The following NDST4 variants were observed in gnomAD, a reference collection of about 807,000 sequenced individuals.
NDST4 encodes the protein N-heparan sulfate sulfotransferase 4.
In NDST4, 63 loss-of-function variants were observed where a neutral mutation model predicts 100.8. The observed-to-expected ratio is 0.62, with a 90% CI of 0.51 to 0.77. The LOEUF (loss-of-function observed/expected upper bound fraction) is 0.77, where lower values mean the gene tolerates loss of function less well. NDST4 is among the 30% of genes least tolerant of loss of function. The probability of loss-of-function intolerance (pLI) is 0.00; values close to 1 mark genes in which losing one functional copy is unlikely to be tolerated. For missense variants in NDST4, 943 were observed against 1,018.4 expected, an observed-to-expected ratio of 0.93 and a Z score of 1.01; for synonymous variants, 377 against 361.8, an observed-to-expected ratio of 1.04 and a Z score of -0.48.
intron 2 of NDST4, among the ~76,000 whole-genome samples, chr4:115,025,150 C>G (rs977703310): frequency 1.3e-5 from 2 of 152,130 alleles, no homozygotes; most frequent in African/African-American, 4.8e-5. Context: ...AAGACAGACC[C>G]CACAAATCTC....
chr4:115,113,204 T>G (rs1729989405), intron 1 of NDST4, among the ~76,000 whole-genome samples: 1 of 152,006 alleles, frequency 6.6e-6, no homozygotes. Context: ...TGTATCTCTT[T>G]TTTTTTATGT....
At chr4:114,839,275 T>A in intron 11 of NDST4, 103 bp downstream of exon 11, 2 of 1,109,886 alleles carry the variant, frequency 1.8e-6, no homozygotes, top group East Asian at 5.2e-5. Flanking sequence ...TGCAATACAA[T>A]CATGATAAGC....
At chr4:114,875,832 T>A (rs10005762) in intron 6 of NDST4, among the ~76,000 whole-genome samples, 40,643 of 152,028 alleles carry the variant, frequency 0.27, 8,145 homozygotes, top group African/African-American at 0.56. Flanking sequence ...CACTGCCAAG[T>A]CCAGAATAGT....
At chr4:115,022,911 C>T (rs1309280942) in intron 2 of NDST4, among the ~76,000 whole-genome samples, 1 of 152,172 alleles carries the variant, frequency 6.6e-6, no homozygotes, top group Non-Finnish European at 1.5e-5. Flanking sequence ...CCCTCAGCCA[C>T]GTAGAACTGA....
intron 8 of NDST4, among the ~76,000 whole-genome samples, chr4:114,850,979 C>T (rs79832408): frequency 2.0e-5 from 3 of 152,090 alleles, no homozygotes; most frequent in East Asian, 3.9e-4. Context: ...ATTCCCTGAC[C>T]GACTTTCAGC....
intron 2 of NDST4, among the ~76,000 whole-genome samples, chr4:115,004,019 A>G (rs1034655794): frequency 1.3e-5 from 2 of 152,154 alleles, no homozygotes; most frequent in Admixed American, 6.5e-5. Context: ...GCCACTGGAC[A>G]TTCCATTCTA....
intron 2 of NDST4, among the ~76,000 whole-genome samples, chr4:115,007,039 T>C (rs914972339): frequency 8.5e-5 from 13 of 152,330 alleles, no homozygotes; most frequent in African/African-American, 3.1e-4. Context: ...GGTTAAAGCA[T>C]TCAGCCTCAG....
At chr4:114,942,865 T>C (rs2126228630) in intron 4 of NDST4, among the ~76,000 whole-genome samples, 1 of 151,718 alleles carries the variant, frequency 6.6e-6, no homozygotes, top group African/African-American at 2.4e-5. Flanking sequence ...CATAATCTCA[T>C]AAAATACTGA....
At chr4:115,079,860 T>C (rs1366077324) in intron 1 of NDST4, among the ~76,000 whole-genome samples, 1 of 152,178 alleles carries the variant, frequency 6.6e-6, no homozygotes, top group Non-Finnish European at 1.5e-5. Context: ...TTAACCTCAT[T>C]AGTAATTTAA....
chr4:114,901,017 AT>A (rs61431888), intron 6 of NDST4, among the ~76,000 whole-genome samples: 45,550 of 149,076 alleles, frequency 0.31, 8,968 homozygotes, highest in African/African-American at 0.57. Flanking sequence ...ACACTATATG[AT>A]TTTTTTTTTT....
intron 2 of NDST4, among the ~76,000 whole-genome samples, chr4:115,018,183 A>C (rs1727731359): frequency 6.6e-6 from 1 of 151,948 alleles, no homozygotes; most frequent in Non-Finnish European, 1.5e-5. Flanking sequence ...TTTATACTCA[A>C]AAGTACAAAT....
At chr4:114,858,167 A>T (rs1303451384) in intron 7 of NDST4, among the ~76,000 whole-genome samples, 1 of 152,206 alleles carries the variant, frequency 6.6e-6, no homozygotes, top group African/African-American at 2.4e-5. Context: ...GTAACAGCAA[A>T]TACTTTCAAA....
intron 6 of NDST4, among the ~76,000 whole-genome samples, chr4:114,908,355 C>T (rs1724995241): frequency 6.6e-6 from 1 of 151,874 alleles, no homozygotes; most frequent in African/African-American, 2.4e-5. Context: ...TTCACATTGT[C>T]CTCAATAAGC....
At chr4:114,858,164 C>A (rs1375268323) in intron 7 of NDST4, among the ~76,000 whole-genome samples, 1 of 152,154 alleles carries the variant, frequency 6.6e-6, no homozygotes, top group African/African-American at 2.4e-5. Context: ...ACAGTAACAG[C>A]AAATACTTTC....
chr4:115,019,936 A>G (rs192258663), intron 2 of NDST4, among the ~76,000 whole-genome samples: 10 of 152,200 alleles, frequency 6.6e-5, no homozygotes, highest in African/African-American at 2.2e-4. Context: ...TCTGTATATT[A>G]CAAATTAGCC....
chr4:114,873,021 G>A (rs1241325559), intron 6 of NDST4, among the ~76,000 whole-genome samples: 3 of 151,558 alleles, frequency 2.0e-5, no homozygotes, highest in East Asian at 1.9e-4. Context: ...GCAGCTGAAA[G>A]TTTTTATTTT....
At chr4:114,986,005 T>G (rs539344111) in intron 2 of NDST4, among the ~76,000 whole-genome samples, 11 of 152,162 alleles carry the variant, frequency 7.2e-5, no homozygotes, top group Non-Finnish European at 1.6e-4. Context: ...AGGGTAAGTT[T>G]CAGGAACTAA....
chr4:115,042,819 A>T (rs1728381973), intron 2 of NDST4, among the ~76,000 whole-genome samples: 1 of 151,992 alleles, frequency 6.6e-6, no homozygotes, highest in Non-Finnish European at 1.5e-5. Flanking sequence ...AAGTTCCCAA[A>T]CTTTTTCATC....
chr4:114,971,906 GT>G (rs1441331313), intron 3 of NDST4, among the ~76,000 whole-genome samples: 1 of 151,964 alleles, frequency 6.6e-6, no homozygotes, highest in African/African-American at 2.4e-5. Context: ...CTAGGTCTTA[GT>G]TCCCTGTTTT....
Sources: gnomAD v4.1 joint callset for allele counts (sites outside exome capture counted in the v4.1 genomes callset) on GRCh38, gnomAD v4.1.1 for gene constraint, MANE v1.5 for transcripts, NCBI Gene and HGNC (gene_info 2026-07-23, HGNC 2026-07-21) for gene names.